JARID2: variants seen among roughly 807,000 people sequenced by gnomAD.
JARID2 encodes jumonji and AT-rich interaction domain containing 2.
Under a neutral mutation model 125.6 loss-of-function variants are expected in JARID2, and 21 were observed. The observed-to-expected ratio is 0.17, with a 90% CI of 0.12 to 0.24. JARID2 has a LOEUF of 0.24. Ranked by LOEUF, JARID2 falls within the 10% of genes least tolerant of loss-of-function variation. The pLI, the probability that JARID2 is intolerant of heterozygous loss-of-function variation, is 1.00. For missense variants in JARID2, 1,303 were observed against 1,639.6 expected (o/e 0.79, Z 3.55); for synonymous variants, 736 against 661.6 (o/e 1.11, Z -1.73).
chr6:15,500,154 G>A (rs1473802169), intron 7 of JARID2, among the ~76,000 whole-genome samples: 2 of 152,132 alleles, frequency 1.3e-5, no homozygotes, highest in Non-Finnish European at 2.9e-5. Context: ...CTGGGCGCGC[G>A]TTAAAACCTG....
intron 1 of JARID2, among the ~76,000 whole-genome samples, chr6:15,292,234 G>T (rs1204503675): frequency 2.0e-5 from 3 of 151,894 alleles, no homozygotes; most frequent in Non-Finnish European, 4.4e-5. Context: ...TGTTAGCCAG[G>T]ATGGTTTCGA....
intron 5 of JARID2, among the ~76,000 whole-genome samples, chr6:15,473,326 C>T (rs923483202): frequency 6.6e-6 from 1 of 152,188 alleles, no homozygotes; most frequent in Non-Finnish European, 1.5e-5. Context: ...GCAATAGGAT[C>T]TACCCACAAG....
At chr6:15,274,832 T>G (rs1561762001) in intron 1 of JARID2, among the ~76,000 whole-genome samples, 1 of 152,212 alleles carries the variant, frequency 6.6e-6, no homozygotes, top group South Asian at 2.1e-4. Flanking sequence ...CTTGTGCATA[T>G]TAGTGGGATT....
Position 15,335,896 on chromosome 6 carries a change from G to A in JARID2, c.46-38221G>A, listed in dbSNP as rs140019948. Among the ~76,000 whole-genome samples the A allele has an allele frequency of 3.6e-3, 545 of 152,194 alleles. 3 individuals are homozygous for A. The highest frequency in any genetic ancestry group is 3.4e-3 in the Middle Eastern group (1 of 294). On this transcript the variant is annotated intron_variant, in intron 1 of 17. Transcript: ENST00000341776. Reference sequence around the variant, plus strand: ...GCTTGAACCCAGGAATTTGAGACCAGTCTGGGCAAAACCCCATCTCTATAC... The same window carrying A: ...GCTTGAACCCAGGAATTTGAGACCAATCTGGGCAAAACCCCATCTCTATAC...
At chr6:15,455,592 C>T (rs1449947009) in intron 4 of JARID2, among the ~76,000 whole-genome samples, 1 of 152,144 alleles carries the variant, frequency 6.6e-6, no homozygotes, top group Non-Finnish European at 1.5e-5. Context: ...AGTGCAACAG[C>T]GCGATCTTGG....
At chr6:15,344,388 T>TTTGTG (rs1581436306) in intron 1 of JARID2, among the ~76,000 whole-genome samples, 1 of 152,136 alleles carries the variant, frequency 6.6e-6, no homozygotes, top group East Asian at 1.9e-4. Flanking sequence ...TTTGTCAGAC[T>TTTGTG]CGGCTGATGT....
chr6:15,474,603 A>G (rs555878622), intron 5 of JARID2, among the ~76,000 whole-genome samples: 1 of 152,048 alleles, frequency 6.6e-6, no homozygotes, highest in Non-Finnish European at 1.5e-5. Flanking sequence ...TCATTGATTC[A>G]TTTATATCCC....
rs756644508 is a variant in JARID2, at chr6:15,501,251, G to A, written c.2290G>A (p.Val764Met). The A allele has an allele frequency of 1.7e-5, 28 of 1,613,470 alleles. No individual in the cohort carries two copies. The highest frequency in any genetic ancestry group is 1.9e-5 in the Non-Finnish European group (23 of 1,179,664). ...GCCCAAGAATGGGCTCATCCACGGC[G>A]TGGCCCCCAGGAACGGCTTCCGCAG... The part of the protein sequence containing the change: ...FEPKNGLIHG[V>M]APRNGFRSKL... Residue 764 changes from valine (V) to methionine (M), a missense_variant, in exon 8 of 18, where the codon GTG (valine) becomes ATG (methionine). Transcript: ENST00000341776.
In JARID2 at chr6:15,468,593, A is replaced by G. The variant is rs139309523; in HGVS notation, c.545A>G (p.Glu182Gly). The G allele has an allele frequency of 2.4e-5, 39 of 1,613,966 alleles. No homozygotes were observed. In the African/African-American group the frequency reaches 4.3e-4, roughly 18 times the overall value. ...GTGTATTTTGGAAGCTCTCAGGATG[A>G]GGAGGAAGTCGAGGAGGAAGATGAT... ...SMVYFGSSQD[E>G]EEVEEEDDET... The change falls in exon 5 of 18, where the codon GAG becomes GGG. Residue 182 changes from glutamate (E) to glycine (G), a missense_variant. This residue lies in a region of JARID2 where 651 missense variants were observed against 581.6 expected (regional missense o/e 1.12). Transcript: ENST00000341776.
At chr6:15,514,810 A>G (rs2127769249) in intron 16 of JARID2, among the ~76,000 whole-genome samples, 1 of 152,256 alleles carries the variant, frequency 6.6e-6, no homozygotes, top group South Asian at 2.1e-4. Context: ...CACAGCTGAG[A>G]TCCTGGAGGT....
intron 3 of JARID2, among the ~76,000 whole-genome samples, chr6:15,412,787 A>C (rs375549208): frequency 8.5e-5 from 13 of 152,312 alleles, no homozygotes; most frequent in East Asian, 5.8e-4. Context: ...TATACTGTTG[A>C]AACTGTAATA....
At chr6:15,296,548 C>T (rs1022782056) in intron 1 of JARID2, among the ~76,000 whole-genome samples, 2 of 152,150 alleles carry the variant, frequency 1.3e-5, no homozygotes, top group African/African-American at 4.8e-5. Flanking sequence ...CCATCATCCT[C>T]CCCGCAACAC....
rs540964754 is a variant in JARID2, at chr6:15,507,165, G to A, written c.2571G>A (p.Lys857=). ...AGTACTGGAGGCTAGTGGAAGAGAA[G>A]GACTGCCACGTGGCAGTGCACTGCG... is the stretch of plus-strand genomic sequence containing the variant. ...EQEYWRLVEE[K]DCHVAVHCGK... The change falls in exon 10 of 18, where the codon AAG becomes AAA. Residue 857 remains lysine, a synonymous_variant. Coordinates refer to ENST00000341776, the MANE Select transcript of JARID2 (RefSeq NM_004973.4). 1.2e-5 allele frequency: 20 copies of A among 1,613,306 alleles called. No homozygotes were observed. In the South Asian group the frequency reaches 1.8e-4, roughly 14 times the overall value.
intron 8 of JARID2, among the ~76,000 whole-genome samples, chr6:15,503,830 G>A (rs137907043): frequency 6.6e-5 from 10 of 152,294 alleles, no homozygotes; most frequent in African/African-American, 1.9e-4. Flanking sequence ...TGCTGACTCC[G>A]GATTCCCAAA....
At chr6:15,274,948 C>T (rs1245182501) in intron 1 of JARID2, among the ~76,000 whole-genome samples, 3 of 152,178 alleles carry the variant, frequency 2.0e-5, no homozygotes, top group South Asian at 4.1e-4. Context: ...CTAGTGAGCA[C>T]CTCCAGACTA....
chr6:15,257,176 C>T (rs1359018918), intron 1 of JARID2, among the ~76,000 whole-genome samples: 2 of 152,148 alleles, frequency 1.3e-5, no homozygotes, highest in Non-Finnish European at 2.9e-5. Flanking sequence ...TTCAGTTATT[C>T]ATGGTAACTG....
chr6:15,432,863 A>T (rs1304174609), intron 3 of JARID2, among the ~76,000 whole-genome samples: 1 of 152,212 alleles, frequency 6.6e-6, no homozygotes, highest in Non-Finnish European at 1.5e-5. Flanking sequence ...TCCTTGTCTG[A>T]TAAATGCAAC....
At chr6:15,407,228 T>C (rs1010039329) in intron 2 of JARID2, among the ~76,000 whole-genome samples, 3 of 152,034 alleles carry the variant, frequency 2.0e-5, no homozygotes, top group Admixed American at 1.3e-4. Flanking sequence ...GTCACCGCAC[T>C]CTAGCATGGG....
chr6:15,460,444 CT>C (rs1472572009), intron 4 of JARID2, among the ~76,000 whole-genome samples: 1 of 152,142 alleles, frequency 6.6e-6, no homozygotes, highest in Non-Finnish European at 1.5e-5. Flanking sequence ...CTAGAGAGTC[CT>C]TGAGTCTTTC....
Sources: gnomAD v4.1 joint callset for allele counts (sites outside exome capture counted in the v4.1 genomes callset) on GRCh38, gnomAD v4.1.1 for gene constraint, gnomAD v4.1.1 regional missense constraint, MANE v1.5 for transcripts, NCBI Gene and HGNC (gene_info 2026-07-23, HGNC 2026-07-21) for gene names.